SLITRK2: variants seen among roughly 807,000 people sequenced by gnomAD.
The protein encoded by SLITRK2 is SLIT and NTRK like family member 2.
Under a neutral mutation model 35.4 loss-of-function variants are expected in SLITRK2, and 13 were observed. That is an observed-to-expected ratio of 0.37 (90% CI 0.24 to 0.58). The LOEUF is 0.58. SLITRK2 is among the 20% of genes least tolerant of loss of function. The probability of loss-of-function intolerance (pLI) is 0.75; values close to 1 mark genes in which losing one functional copy is unlikely to be tolerated. For missense variants in SLITRK2, 471 were observed against 634.3 expected, an observed-to-expected ratio of 0.74 and a Z score of 2.76; for synonymous variants, 294 against 264.7, an observed-to-expected ratio of 1.11 and a Z score of -1.07.
In SLITRK2 at chrX:145,823,141, G is replaced by C. The variant is rs782579667; in HGVS notation, c.716G>C (p.Gly239Ala). The change falls in exon 5 of 5, where the codon GGA becomes GCA. Residue 239 changes from glycine to alanine, a missense_variant. By Grantham distance (60) the Gly-to-Ala change is moderately conservative. Around this residue, in one of 7 missense-constraint regions of SLITRK2, gnomAD observed 17 missense variants for 17.4 expected, o/e 0.98. Coordinates refer to ENST00000335565, the MANE Select transcript of SLITRK2 (RefSeq NM_032539.5). ...CTAGACACCATAACTGTTTTTGTGG[G>C]AGAGATTGTCTGTGAGACTCCCTTT... The part of the protein sequence containing the change: ...AWLDTITVFV[G>A]EIVCETPFRL... 1 of 1,211,461 alleles carries C rather than the reference G, an allele frequency of 8.3e-7. No homozygotes were observed. Among genetic ancestry groups the C allele is most frequent in the Non-Finnish European group, 1.1e-6 (1 of 895,495 alleles).
rs1556943713 is a variant in SLITRK2 at position 145,822,497 on chromosome X, T to A, written c.72T>A (p.Thr24=). 1.7e-6 allele frequency: 2 copies of A among 1,210,982 alleles called. No individual in the cohort carries two copies. The highest frequency in any genetic ancestry group is 2.2e-6 in the Non-Finnish European group (2 of 895,096). ...TCTTACAGACAGAGAGTCGCAAAAC[T>A]GCCAAAGACATTTGCAAGATCCGCT... ...AGILQTESRK[T]AKDICKIRCL... Residue 24 remains threonine, a synonymous_variant, in exon 5 of 5, where the codon ACT becomes ACA. Coordinates refer to ENST00000335565, the MANE Select transcript of SLITRK2 (RefSeq NM_032539.5).
chrX:145,827,954 A>G lies in SLITRK2; in HGVS notation c.*2991A>G. 8.3e-7 allele frequency: 1 copy of G among 1,209,884 alleles called. No individual in the cohort carries two copies. ...GCACAGCAAAATGGTTCCAGCCTAC[A>G]GAATGCAGTCTCCCAGGGCCCTGCC... On this transcript the variant is annotated 3_prime_UTR_variant, in exon 5 of 5. Coordinates refer to ENST00000335565, the MANE Select transcript of SLITRK2 (RefSeq NM_032539.5).
rs782507544 is a variant in SLITRK2 at position 145,824,992 on chromosome X, C to T, written c.*29C>T. The stretch of plus-strand genomic sequence containing the variant: ...GAAATCATTTACAACCCTAAGGCAT[C>T]AGAGGATGCTGCTCCGAACTGTTGG... On this transcript the variant is annotated 3_prime_UTR_variant, in exon 5 of 5. Coordinates refer to ENST00000335565, the MANE Select transcript of SLITRK2 (RefSeq NM_032539.5). The T allele has an allele frequency of 8.5e-7, 1 of 1,181,648 alleles. No homozygotes were observed. Among genetic ancestry groups the T allele is most frequent in the South Asian group, 1.9e-5 (1 of 51,422 alleles).
Position 145,822,815 on chromosome X carries a change from C to T in SLITRK2, c.390C>T (p.Phe130=), listed in dbSNP as rs2124157072. 8.3e-7 allele frequency: 1 copy of T among 1,211,068 alleles called. No homozygotes were observed. The highest frequency in any genetic ancestry group is 3.0e-5 in the East Asian group (1 of 33,787). ...NKLEILREDT[F]LGLESLEYLQ... ...TTGAGATATTGAGGGAGGACACCTT[C>T]CTAGGCCTGGAGAGCCTGGAGTATC... is the stretch of plus-strand genomic sequence containing the variant. Residue 130 remains phenylalanine, a synonymous_variant, in exon 5 of 5, where the codon TTC becomes TTT. Transcript: ENST00000335565.
rs1556942048 is a variant in SLITRK2 at position 145,817,849 on chromosome X, T to G, written c.-970T>G. On this transcript the variant is annotated 5_prime_UTR_variant, in exon 1 of 5. Transcript: ENST00000335565. ...CCTCCCTCCTTCCTGCAAGAAGCGT[T>G]GCCCGTTGGCTAGCTGCTCGGTGGG... 9.5e-6 allele frequency: 1 copy of G among 105,308 alleles called. No individual in the cohort carries two copies. The highest frequency in any genetic ancestry group is 2.0e-5 in the Non-Finnish European group (1 of 51,187). 8.7% of individuals were successfully genotyped at this position (105,308 alleles called of 1,213,427 possible). A position where few individuals can be genotyped will look rare whatever the true frequency, so the allele number is the denominator to read the frequency against.
chrX:145,822,752 G>C lies in SLITRK2; in HGVS notation c.327G>C (p.Leu109=), dbSNP rs781830776. Residue 109 remains leucine (L), a synonymous_variant, in exon 5 of 5, where the codon CTG becomes CTC. Transcript: ENST00000335565. Reference sequence around the variant, plus strand: ...TCCGAACGGGGGCATTCAGTGGCCTGAAAACTCTCAAAAGACTGCATCTCA... The same window carrying C: ...TCCGAACGGGGGCATTCAGTGGCCTCAAAACTCTCAAAAGACTGCATCTCA... ...QEIRTGAFSG[L]KTLKRLHLNN... is the part of the protein sequence containing the mutation. 14 of 1,208,946 alleles carry C rather than the reference G, an allele frequency of 1.2e-5. No individual in the cohort carries two copies. The highest frequency in any genetic ancestry group is 4.4e-5 in the Admixed American group (2 of 45,678).
chrX:145,822,737 G>T lies in SLITRK2; in HGVS notation c.312G>T (p.Gly104=). ...ACGGGTTACAGGAGATCCGAACGGGGGCATTCAGTGGCCTGAAAACTCTCA... is the reference window on the plus strand; with the variant it reads ...ACGGGTTACAGGAGATCCGAACGGGTGCATTCAGTGGCCTGAAAACTCTCA... ...GNNGLQEIRT[G]AFSGLKTLKR... Residue 104 remains glycine (G), a synonymous_variant, in exon 5 of 5, where the codon GGG becomes GGT. Transcript: ENST00000335565. 8.3e-7 allele frequency: 1 copy of T among 1,210,836 alleles called. No homozygotes were observed. The highest frequency in any genetic ancestry group is 1.1e-6 in the Non-Finnish European group (1 of 895,170).
At position 145,828,298 on chromosome X, in the gene SLITRK2, T is replaced by A. The variant is rs1468017686; in HGVS notation, c.*3335T>A. The A allele has an allele frequency of 4.0e-6, 1 of 247,232 alleles. No individual in the cohort carries two copies. The highest frequency in any genetic ancestry group is 7.5e-6 in the Non-Finnish European group (1 of 132,991). The allele number at this position is 247,232 out of a possible 1,213,427, so 20.4% of individuals were successfully genotyped here. ...TGTCTCCAAGTCATCAAGGGCTTAATAATTTATGAATTTTACAAAAAGCAT... is the reference window on the plus strand; with the variant it reads ...TGTCTCCAAGTCATCAAGGGCTTAAAAATTTATGAATTTTACAAAAAGCAT... On this transcript the variant is annotated 3_prime_UTR_variant, in exon 5 of 5. Coordinates refer to ENST00000335565, the MANE Select transcript of SLITRK2 (RefSeq NM_032539.5).
rs1179430413 is a variant in SLITRK2 at position 145,828,652 on chromosome X, C to T, written c.*3689C>T. On this transcript the variant is annotated 3_prime_UTR_variant, in exon 5 of 5. Coordinates refer to ENST00000335565, the MANE Select transcript of SLITRK2 (RefSeq NM_032539.5). ...TCGTGCTAATAAGAGAGAGTCTTAC[C>T]TGAATGGCAATCGCCCAGATTAACA... 1 of 122,691 alleles carries T rather than the reference C, an allele frequency of 8.2e-6. No homozygotes were observed. The highest frequency in any genetic ancestry group is 1.9e-5 in the Non-Finnish European group (1 of 53,220). 10.1% of individuals were successfully genotyped at this position (122,691 alleles called of 1,213,427 possible).
chrX:145,823,669 A>C lies in SLITRK2; in HGVS notation c.1244A>C (p.Gln415Pro), dbSNP rs2073066271. The change falls in exon 5 of 5, where the codon CAG (glutamine) becomes CCG (proline). Residue 415 changes from glutamine to proline, a missense_variant. Around this residue, in one of 7 missense-constraint regions of SLITRK2, gnomAD observed 92 missense variants for 184.2 expected, o/e 0.50. Coordinates refer to ENST00000335565, the MANE Select transcript of SLITRK2 (RefSeq NM_032539.5). ...HLGNNRIAVI[Q>P]EGAFTNLTSL... ...GGAAACAACAGGATTGCAGTCATTC[A>C]GGAAGGTGCCTTTACAAACCTGACC... The C allele has an allele frequency of 1.7e-6, 2 of 1,211,726 alleles. No individual in the cohort carries two copies. The highest frequency in any genetic ancestry group is 2.2e-6 in the Non-Finnish European group (2 of 895,360).
Position 145,823,030 on chromosome X carries a change from T to C in SLITRK2, c.605T>C (p.Leu202Pro), listed in dbSNP as rs1423753675. ...AAAGTAATGCCTTTTGCTGGCGTCC[T>C]TGAACATATTGGAGGGATCATGGAG... ...RLKVMPFAGV[L>P]EHIGGIMEIQ... Residue 202 changes from leucine to proline, a missense_variant, in exon 5 of 5, where the codon CTT becomes CCT. This residue lies in a region of SLITRK2 where 15 missense variants were observed against 45.7 expected (regional missense o/e 0.33). Transcript: ENST00000335565. 1 of 1,209,692 alleles carries C rather than the reference T, an allele frequency of 8.3e-7. No homozygotes were observed. Among genetic ancestry groups the C allele is most frequent in the Non-Finnish European group, 1.1e-6 (1 of 895,177 alleles).
chrX:145,822,364 C>T lies in SLITRK2; in HGVS notation c.-43-19C>T, dbSNP rs2124144392. Reference sequence around the variant, plus strand: ...TCTTTCTTCCCTGCACCCGCTTCTTCCCCCTGCCCCCACCTAAGGTTTGCC... The same window carrying T: ...TCTTTCTTCCCTGCACCCGCTTCTTTCCCCTGCCCCCACCTAAGGTTTGCC... On this transcript the variant is annotated intron_variant, in intron 4 of 4. Coordinates refer to ENST00000335565, the MANE Select transcript of SLITRK2 (RefSeq NM_032539.5). 1.9e-6 allele frequency: 2 copies of T among 1,027,303 alleles called. No individual in the cohort carries two copies. Among genetic ancestry groups the T allele is most frequent in the South Asian group, 4.5e-5 (2 of 44,233 alleles). 84.7% of individuals were successfully genotyped at this position (1,027,303 alleles called of 1,213,427 possible). A position where few individuals can be genotyped will look rare whatever the true frequency, so the allele number is the denominator to read the frequency against.
At chrX:145,819,517 C>G (rs998756981) in intron 1 of SLITRK2, 1 of 112,302 alleles carries the variant, frequency 8.9e-6, no homozygotes, top group Non-Finnish European at 1.9e-5. Context: ...CACGTCTTTA[C>G]TTCAGTTAAA....
In SLITRK2 at chrX:145,829,821, G is replaced by C. The variant is rs190009593; in HGVS notation, c.*4858G>C. ...AATGAAACAAGCTCTTGTGTAAATA[G>C]ACTTCTGTGCCTAATAGTGACATTG... On this transcript the variant is annotated 3_prime_UTR_variant, in exon 5 of 5. Coordinates refer to ENST00000335565, the MANE Select transcript of SLITRK2 (RefSeq NM_032539.5). The C allele has an allele frequency of 3.0e-3, 366 of 123,517 alleles. 1 individual carries two copies. Among genetic ancestry groups the C allele is most frequent in the Non-Finnish European group, 3.8e-3 (204 of 53,330 alleles). 10.2% of individuals were successfully genotyped at this position (123,517 alleles called of 1,213,427 possible).
Position 145,828,094 on chromosome X carries a change from T to C in SLITRK2, c.*3131T>C. 1 of 895,572 alleles carries C rather than the reference T, an allele frequency of 1.1e-6. No homozygotes were observed. Among genetic ancestry groups the C allele is most frequent in the Non-Finnish European group, 1.5e-6 (1 of 658,722 alleles). 73.8% of individuals were successfully genotyped at this position (895,572 alleles called of 1,213,427 possible). ...AATATACCTGTGGCTAAGTTTTTAT[T>C]GAAACACTCAAAAATACCACTTCTC... is the stretch of plus-strand genomic sequence containing the variant. On this transcript the variant is annotated 3_prime_UTR_variant, in exon 5 of 5. Coordinates refer to ENST00000335565, the MANE Select transcript of SLITRK2 (RefSeq NM_032539.5).
At position 145,825,506 on chromosome X, in the gene SLITRK2, C is replaced by T. The variant is rs2073113664; in HGVS notation, c.*543C>T. 8.1e-6 allele frequency: 1 copy of T among 123,234 alleles called. No individual in the cohort carries two copies. The highest frequency in any genetic ancestry group is 2.8e-4 in the East Asian group (1 of 3,580). 10.2% of individuals were successfully genotyped at this position (123,234 alleles called of 1,213,427 possible). ...GGTATCACTACTTTGTGTTAAAGTG[C>T]CTTCGCACTTTAAGTACATTACTTA... is the stretch of plus-strand genomic sequence containing the variant. On this transcript the variant is annotated 3_prime_UTR_variant, in exon 5 of 5. Coordinates refer to ENST00000335565, the MANE Select transcript of SLITRK2 (RefSeq NM_032539.5).
At position 145,822,154 on chromosome X, in the gene SLITRK2, G is replaced by A; in HGVS notation, c.-44+1G>A. 3.0e-6 allele frequency: 1 copy of A among 330,853 alleles called. No individual in the cohort carries two copies. The highest frequency in any genetic ancestry group is 5.2e-6 in the Non-Finnish European group (1 of 192,112). 27.3% of individuals were successfully genotyped at this position (330,853 alleles called of 1,213,427 possible). A position where few individuals can be genotyped will look rare whatever the true frequency, so the allele number is the denominator to read the frequency against. On this transcript the variant is annotated splice_donor_variant, in intron 4 of 4. Transcript: ENST00000335565. LOFTEE classifies it low-confidence loss of function (5UTR_SPLICE). ...TGGCTGCGACCCCCCGGGAAATCAG[G>A]TGCAAGCATGTGTGTTCCCGGGGCG...
At position 145,828,965 on chromosome X, in the gene SLITRK2, C is replaced by G. The variant is rs1389260917; in HGVS notation, c.*4002C>G. 4 of 123,443 alleles carry G rather than the reference C, an allele frequency of 3.2e-5. No individual in the cohort carries two copies. Among genetic ancestry groups the G allele is most frequent in the African/African-American group, 1.3e-4 (4 of 30,853 alleles). 10.2% of individuals were successfully genotyped at this position (123,443 alleles called of 1,213,427 possible). ...GCACTACTTTGTAAAGATGACTACC[C>G]AAGATTGTAAATACAAAATTTAAAA... On this transcript the variant is annotated 3_prime_UTR_variant, in exon 5 of 5. Transcript: ENST00000335565.
chrX:145,821,125 T>TCACACACACA (rs1217882056), intron 2 of SLITRK2: 22,178 of 76,944 alleles, frequency 0.29, 3,015 homozygotes, highest in Admixed American at 0.39. Flanking sequence ...TCTCTCTCAC[T>TCACACACACA]CACACACACA....
Sources: allele counts gnomAD v4.1 joint callset, GRCh38; gene constraint gnomAD v4.1.1; regional missense constraint gnomAD v4.1.1; transcripts MANE v1.5; gene names NCBI Gene and HGNC (gene_info 2026-07-23, HGNC 2026-07-21).